Variants in CYP17A1 observed in about 807,000 individuals in gnomAD.
CYP17A1 encodes the protein cytochrome P450 family 17 subfamily A member 1.
Under a neutral mutation model 38.5 loss-of-function variants are expected in CYP17A1, and 27 were observed. That is an observed-to-expected ratio of 0.70 (90% CI 0.52 to 0.97). The LOEUF (loss-of-function observed/expected upper bound fraction) is 0.97. CYP17A1 is among the 50% of genes least tolerant of loss of function. The pLI, the probability that CYP17A1 is intolerant of heterozygous loss-of-function variation, is 0.00. For synonymous variants in CYP17A1, 263 were observed against 253.3 expected (o/e 1.04, Z -0.36); for missense variants, 549 against 645.9 (o/e 0.85, Z 1.63).
At chr10:102,836,853 C>T (rs12219555) in intron 1 of CYP17A1, 2 of 598,438 alleles carry the variant, frequency 3.3e-6, no homozygotes, top group African/African-American at 3.7e-5. Context: ...CCTGGGCAGC[C>T]TGGTAGAGGA....
At chr10:102,834,571 A>G in intron 3 of CYP17A1, 1 of 640,566 alleles carries the variant, frequency 1.6e-6, no homozygotes, top group Non-Finnish European at 2.7e-6. Flanking sequence ...AATGAAGGTC[A>G]TTATCTGGAG....
intron 6 of CYP17A1, among the ~76,000 whole-genome samples, chr10:102,832,155 C>T (rs953736314): frequency 6.6e-6 from 1 of 152,150 alleles, no homozygotes; most frequent in Non-Finnish European, 1.5e-5. Flanking sequence ...CTCACTGCAA[C>T]CTCCGCCGCC....
chr10:102,835,958 G>A (rs1590204350), intron 1 of CYP17A1, among the ~76,000 whole-genome samples: 2 of 152,246 alleles, frequency 1.3e-5, no homozygotes, highest in East Asian at 1.9e-4. Flanking sequence ...GACTTGGGCC[G>A]AGCCGCCTCC....
In CYP17A1 at chr10:102,830,688, G is replaced by A. The variant is rs927972007; in HGVS notation, c.*14C>T. ...GGGCCACATAGGGTGGACAGGGGCT[G>A]TGAGTTACAGCCTTTAGGTGCTACC... On this transcript the variant is annotated 3_prime_UTR_variant, in exon 8 of 8. Transcript: ENST00000369887. The surrounding 1 kb of genome is among the most constrained non-coding windows in gnomAD (Gnocchi z 4.1). The A allele has an allele frequency of 4.0e-6, 6 of 1,501,928 alleles. No homozygotes were observed. The African/African-American group carries it at 4.1e-5, about 10-fold the overall frequency. 93.0% of individuals were successfully genotyped at this position (1,501,928 alleles called of 1,614,324 possible).
intron 4 of CYP17A1, 176 bp downstream of exon 4, chr10:102,833,860 G>T: frequency 1.8e-6 from 1 of 570,470 alleles, no homozygotes; most frequent in Non-Finnish European, 3.2e-6. Context: ...CCAAAGTGTT[G>T]GGATTACAGG....
Position 102,837,103 on chromosome 10 carries a change from T to C in CYP17A1, c.259A>G (p.Ile87Val), listed in dbSNP as rs1240547300. 1.9e-6 allele frequency: 3 copies of C among 1,609,360 alleles called. No homozygotes were observed. Among genetic ancestry groups the C allele is most frequent in the Non-Finnish European group, 2.6e-6 (3 of 1,175,662 alleles). ...GHHQLAKEVLIKKGKDFSGRP... is the reference protein window; with the variant it reads ...GHHQLAKEVLVKKGKDFSGRP... ...CCAGAGAAGTCCTTGCCCTTCTTAA[T>C]AAGCACCTCCTTGGCCAGCTGGTGG... is the stretch of plus-strand genomic sequence containing the variant. The change falls in exon 1 of 8, where the codon ATT becomes GTT. Residue 87 changes from isoleucine (I) to valine (V), a missense_variant. Around this residue, in one of 3 missense-constraint regions of CYP17A1, gnomAD observed 289 missense variants for 320.9 expected, o/e 0.90. Coordinates refer to ENST00000369887, the MANE Select transcript of CYP17A1 (RefSeq NM_000102.4).
chr10:102,830,884 G>C lies in CYP17A1; in HGVS notation c.1345C>G (p.Arg449Gly). The C allele has an allele frequency of 1.9e-6, 3 of 1,578,748 alleles. No individual in the cohort carries two copies. Among genetic ancestry groups the C allele is most frequent in the Non-Finnish European group, 2.6e-6 (3 of 1,157,040 alleles). ...PRSCIGEILA[R>G]QELFLIMAWL... The stretch of plus-strand genomic sequence containing the variant: ...GCCATGATGAGGAAGAGCTCCTGGC[G>C]GGCCAGGATCTCACCTATACAGGAG... Residue 449 changes from arginine to glycine, a missense_variant, in exon 8 of 8, where the codon CGC (arginine) becomes GGC (glycine). Around this residue, in one of 3 missense-constraint regions of CYP17A1, gnomAD observed 257 missense variants for 307.9 expected, o/e 0.83. Coordinates refer to ENST00000369887, the MANE Select transcript of CYP17A1 (RefSeq NM_000102.4). This position sits in a 1 kb window ranked among gnomAD's most constrained non-coding sequence, Gnocchi z 4.1.
chr10:102,835,666 C>A (rs1014282235), intron 1 of CYP17A1: 2 of 471,340 alleles, frequency 4.2e-6, no homozygotes, highest in East Asian at 4.2e-5. Flanking sequence ...GGGTTCTTTT[C>A]GCTGACAGGG....
intron 2 of CYP17A1, 25 bp downstream of exon 2, chr10:102,835,229 C>T: frequency 3.1e-6 from 5 of 1,604,474 alleles, no homozygotes; most frequent in Non-Finnish European, 4.3e-6. Context: ...CCAGCCCCAG[C>T]CCCAGGGGCC....
At position 102,833,210 on chromosome 10, in the gene CYP17A1, T is replaced by G; in HGVS notation, c.754-2A>C. On this transcript the variant is annotated splice_acceptor_variant, in intron 4 of 7. Transcript: ENST00000369887. LOFTEE classifies it high-confidence loss of function. ...GATAGAGTCACTCCGGAATTTCTCC[T>G]GGGTTGGGTGAGGTTGGGAGACATT... 1.2e-6 allele frequency: 2 copies of G among 1,614,052 alleles called. No homozygotes were observed. The highest frequency in any genetic ancestry group is 1.1e-5 in the South Asian group (1 of 91,062).
At chr10:102,833,330 TGG>T in intron 4 of CYP17A1, 122 bp from the exon 5 acceptor site, 1 of 1,569,194 alleles carries the variant, frequency 6.4e-7, no homozygotes, top group Non-Finnish European at 8.6e-7. Context: ...AGAGCAAGTC[TGG>T]GCAGGACCTA....
At chr10:102,835,640 G>T in intron 1 of CYP17A1, 1 of 540,856 alleles carries the variant, frequency 1.8e-6, no homozygotes, top group Admixed American at 3.0e-5. Context: ...CCCTTAATTA[G>T]AATGCAGCAG....
intron 1 of CYP17A1, 60 bp from the exon 2 acceptor site, chr10:102,835,452 C>G: frequency 7.1e-7 from 1 of 1,413,848 alleles, no homozygotes. Context: ...CTTGCCCTTA[C>G]ACCTCTGGTC....
At chr10:102,833,248 G>C (rs1367941640) in intron 4 of CYP17A1, 40 bp from the exon 5 acceptor site, 1 of 1,613,604 alleles carries the variant, frequency 6.2e-7, no homozygotes, top group South Asian at 1.1e-5. Flanking sequence ...TAAGGAAGGA[G>C]CCCCATCTGT....
At chr10:102,833,549 C>T (rs969237653) in intron 4 of CYP17A1, 19 of 322,058 alleles carry the variant, frequency 5.9e-5, no homozygotes, top group African/African-American at 2.2e-4. Context: ...CTCTGCTTCT[C>T]GGGTTCAAGT....
In CYP17A1 at chr10:102,834,711, A is replaced by G. The variant is rs1354574231; in HGVS notation, c.666+74T>C. On this transcript the variant is annotated intron_variant, in intron 3 of 7. Transcript: ENST00000369887. ...TGGGTCATTGCGGCTGGAGCAGGGA[A>G]GTAAAAAGGAAGGAAGATTGGGGAC... 26 of 1,609,636 alleles carry G rather than the reference A, an allele frequency of 1.6e-5. No homozygotes were observed. In the Admixed American group the frequency reaches 4.4e-4, roughly 27 times the overall value.
intron 4 of CYP17A1, 67 bp from the exon 5 acceptor site, chr10:102,833,275 T>A: frequency 6.2e-7 from 1 of 1,612,048 alleles, no homozygotes; most frequent in Non-Finnish European, 8.5e-7. Flanking sequence ...CCTGCCATAC[T>A]TCTGTCCCTG....
intron 6 of CYP17A1, 95 bp from the exon 7 acceptor site, chr10:102,831,706 A>G: frequency 6.4e-7 from 1 of 1,567,398 alleles, no homozygotes; most frequent in Non-Finnish European, 8.6e-7. Flanking sequence ...CGTGAGGAAA[A>G]TGCCCTTTAC....
At position 102,832,494 on chromosome 10, in the gene CYP17A1, TG is replaced by T; in HGVS notation, c.1139+16del. On this transcript the variant is annotated intron_variant, in intron 6 of 7. Coordinates refer to ENST00000369887, the MANE Select transcript of CYP17A1 (RefSeq NM_000102.4). ...AATGCATCATGGGGCTAGATGTCACTGGGAGGGCAGGCACACCTGGAGTCAA... is the reference window on the plus strand; with the variant it reads ...AATGCATCATGGGGCTAGATGTCACTGGAGGGCAGGCACACCTGGAGTCAA... 1 of 1,566,008 alleles carries T rather than the reference TG, an allele frequency of 6.4e-7. No homozygotes were observed. Among genetic ancestry groups the T allele is most frequent in the Non-Finnish European group, 8.8e-7 (1 of 1,136,504 alleles).
Sources: gnomAD v4.1 joint callset for allele counts (sites outside exome capture counted in the v4.1 genomes callset) on GRCh38, gnomAD v4.1.1 for gene constraint, gnomAD v4.1.1 regional missense constraint, Gnocchi (gnomAD v3.1) non-coding constraint, MANE v1.5 for transcripts, NCBI Gene and HGNC (gene_info 2026-07-23, HGNC 2026-07-21) for gene names.